BCR: variants seen among roughly 807,000 people sequenced by gnomAD.
BCR encodes BCR activator of RhoGEF and GTPase, also known as breakpoint cluster region protein.
BCR carries 58 observed loss-of-function variants against 138.6 expected under a neutral mutation model. That is an observed-to-expected ratio of 0.42 (90% CI 0.34 to 0.52). The LOEUF is 0.52. BCR is among the 20% of genes least tolerant of loss of function. The probability of loss-of-function intolerance (pLI) is 0.06; values close to 1 mark genes in which losing one functional copy is unlikely to be tolerated. For synonymous variants in BCR, 786 were observed against 730.1 expected (o/e 1.08, Z -1.23); for missense variants, 1,599 against 1,727.2 (o/e 0.93, Z 1.32).
In BCR at chr22:23,284,003, C is replaced by T. The variant is rs1158524869; in HGVS notation, c.2142C>T (p.Phe714=). The change falls in exon 9 of 23, where the codon TTC becomes TTT. Residue 714 remains phenylalanine (F), a synonymous_variant. Transcript: ENST00000305877. The stretch of plus-strand genomic sequence containing the variant: ...ACCGGCAGCTGCTGAAGGACAGCTT[C>T]ATGGTGGAGCTGGTGGAGGGGGCCC... ...GEHRQLLKDS[F]MVELVEGARK... The T allele has an allele frequency of 2.5e-6, 4 of 1,601,462 alleles. No homozygotes were observed. The highest frequency in any genetic ancestry group is 1.7e-5 in the Admixed American group (1 of 58,554).
chr22:23,246,903 A>G (rs779797467), intron 1 of BCR, among the ~76,000 whole-genome samples: 5 of 151,936 alleles, frequency 3.3e-5, no homozygotes, highest in Admixed American at 6.6e-5. Context: ...CCCAAGATCC[A>G]CAGCCCTTCT....
rs960967176 is a variant in BCR at position 23,233,807 on chromosome 22, A to T, written c.1280-19992A>T. ...CCTGTCTCAAAAAAAAAAAAAAGAA[A>T]AAAAAGAAAAAAAAAAAGAAGAACA... On this transcript the variant is annotated intron_variant, in intron 1 of 22. Coordinates refer to ENST00000305877, the MANE Select transcript of BCR (RefSeq NM_004327.4). Among the ~76,000 whole-genome samples, 22 of 97,794 alleles carry T rather than the reference A, an allele frequency of 2.2e-4. 1 individual carries two copies. The highest frequency in any genetic ancestry group is 7.1e-4 in the Admixed American group (7 of 9,920). The allele number at this position is 97,794 out of a possible 152,430, so 64.2% of individuals were successfully genotyped here.
At chr22:23,187,669 A>G (rs922979598) in intron 1 of BCR, among the ~76,000 whole-genome samples, 5 of 152,022 alleles carry the variant, frequency 3.3e-5, no homozygotes, top group Non-Finnish European at 7.4e-5. Context: ...TTGAGACATA[A>G]TAATTGTACC....
intron 8 of BCR, among the ~76,000 whole-genome samples, chr22:23,275,050 T>C (rs1184124442): frequency 6.6e-6 from 1 of 152,096 alleles, no homozygotes; most frequent in Non-Finnish European, 1.5e-5. Flanking sequence ...TGGGGCTTGC[T>C]TTCCTCCTCC....
chr22:23,273,905 G>A, intron 8 of BCR, 131 bp downstream of exon 8: 1 of 1,304,122 alleles, frequency 7.7e-7, no homozygotes, highest in Non-Finnish European at 1.1e-6. Flanking sequence ...GGTGAGATTG[G>A]CCGCACACTC....
intron 1 of BCR, among the ~76,000 whole-genome samples, chr22:23,217,220 T>C (rs902196394): frequency 1.3e-5 from 2 of 152,220 alleles, no homozygotes; most frequent in African/African-American, 2.4e-5. Context: ...TGCCATGTTA[T>C]ATAGTAGGTT....
intron 16 of BCR, among the ~76,000 whole-genome samples, chr22:23,305,243 C>T (rs971443692): frequency 6.3e-5 from 6 of 94,772 alleles, no homozygotes; most frequent in Admixed American, 3.1e-4. Flanking sequence ...CAAAGACCCA[C>T]CCCCGGGAGT....
At position 23,182,247 on chromosome 22, in the gene BCR, C is replaced by T; in HGVS notation, c.1279+8C>T. 6.5e-7 allele frequency: 1 copy of T among 1,549,702 alleles called. No individual in the cohort carries two copies. Among genetic ancestry groups the T allele is most frequent in the Non-Finnish European group, 8.7e-7 (1 of 1,150,068 alleles). ...CCTTCCATGGAGACGCAGGTGAGTT[C>T]CTCACGCCACGTGCGTGGGCACACC... is the stretch of plus-strand genomic sequence containing the variant. On this transcript the variant is annotated splice_region_variant and intron_variant, in intron 1 of 22. Transcript: ENST00000305877.
rs1361386428 is a variant in BCR at position 23,314,548 on chromosome 22, A to G, written c.3564-4A>G. ...ACAGCACCCGCTGCTTTGGTCCTCTACAGGGTGGCAGAGAAGGAGGCAGTC... is the reference window on the plus strand; with the variant it reads ...ACAGCACCCGCTGCTTTGGTCCTCTGCAGGGTGGCAGAGAAGGAGGCAGTC... On this transcript the variant is annotated splice_polypyrimidine_tract_variant and splice_region_variant and intron_variant, in intron 21 of 22. Transcript: ENST00000305877. 2 of 1,611,794 alleles carry G rather than the reference A, an allele frequency of 1.2e-6. No individual in the cohort carries two copies. The highest frequency in any genetic ancestry group is 1.1e-5 in the South Asian group (1 of 90,970).
At chr22:23,216,385 A>T (rs1240009739) in intron 1 of BCR, among the ~76,000 whole-genome samples, 2 of 152,182 alleles carry the variant, frequency 1.3e-5, no homozygotes, top group Non-Finnish European at 2.9e-5. Context: ...TGGTAGTATT[A>T]TGTGAAATTA....
At chr22:23,302,041 G>A (rs1297994830) in intron 16 of BCR, among the ~76,000 whole-genome samples, 1 of 152,114 alleles carries the variant, frequency 6.6e-6, no homozygotes, top group Non-Finnish European at 1.5e-5. Context: ...TTGTGGCTCT[G>A]AACAAAGCAG....
In BCR at chr22:23,181,014, A is replaced by G. The variant is rs747241983; in HGVS notation, c.54A>G (p.Ser18=). 1 of 1,488,200 alleles carries G rather than the reference A, an allele frequency of 6.7e-7. No homozygotes were observed. The allele number at this position is 1,488,200 out of a possible 1,614,324, so 92.2% of individuals were successfully genotyped here. A position where few individuals can be genotyped will look rare whatever the true frequency, so the allele number is the denominator to read the frequency against. Reference sequence around the variant, plus strand: ...CGTGGAAGGCGCAGTTCCCGGACTCAGAGCCCCCGCGCATGGAGCTGCGCT... The same window carrying G: ...CGTGGAAGGCGCAGTTCCCGGACTCGGAGCCCCCGCGCATGGAGCTGCGCT... ...AEAWKAQFPD[S]EPPRMELRSV... The change falls in exon 1 of 23, where the codon TCA becomes TCG. Residue 18 remains serine (S), a synonymous_variant. Coordinates refer to ENST00000305877, the MANE Select transcript of BCR (RefSeq NM_004327.4).
At chr22:23,234,093 C>CAAA (rs1281503057) in intron 1 of BCR, among the ~76,000 whole-genome samples, 2 of 152,116 alleles carry the variant, frequency 1.3e-5, no homozygotes, top group African/African-American at 4.8e-5. Context: ...TTTCTTCTGG[C>CAAA]ATTTTTACAG....
Position 23,277,580 on chromosome 22 carries a change from A to G in BCR, c.2115+3806A>G, listed in dbSNP as rs374488513. 1.1e-4 allele frequency among the ~76,000 whole-genome samples: 16 copies of G among 152,202 alleles called. 1 individual carries two copies. The East Asian group carries it at 1.9e-3, about 18-fold the overall frequency. ...CTGTTTCTGTCTTCCCTGGCATTTGATGTCAAGAGGAAAGCTGCTTCTGTT... is the reference window on the plus strand; with the variant it reads ...CTGTTTCTGTCTTCCCTGGCATTTGGTGTCAAGAGGAAAGCTGCTTCTGTT... On this transcript the variant is annotated intron_variant, in intron 8 of 22. Coordinates refer to ENST00000305877, the MANE Select transcript of BCR (RefSeq NM_004327.4).
Position 23,309,331 on chromosome 22 carries a change from A to G in BCR, c.3013-93A>G, listed in dbSNP as rs573300568. On this transcript the variant is annotated intron_variant, in intron 16 of 22. Coordinates refer to ENST00000305877, the MANE Select transcript of BCR (RefSeq NM_004327.4). Reference sequence around the variant, plus strand: ...CCGCAGTCGGGCTCTGCCTCTGACTAAGGGTTGGGGAAGTGGCGGGTGTGG... The same window carrying G: ...CCGCAGTCGGGCTCTGCCTCTGACTGAGGGTTGGGGAAGTGGCGGGTGTGG... The G allele has an allele frequency of 9.1e-5, 96 of 1,050,780 alleles. No homozygotes were observed. The African/African-American group carries it at 1.4e-3, about 16-fold the overall frequency. 65.1% of individuals were successfully genotyped at this position (1,050,780 alleles called of 1,614,324 possible). A position where few individuals can be genotyped will look rare whatever the true frequency, so the allele number is the denominator to read the frequency against.
At chr22:23,183,148 A>G (rs1191945559) in intron 1 of BCR, among the ~76,000 whole-genome samples, 2 of 152,200 alleles carry the variant, frequency 1.3e-5, no homozygotes, top group African/African-American at 2.4e-5. Flanking sequence ...CTTCTGTGCT[A>G]GATGCAAATA....
chr22:23,193,198 A>G (rs767893444), intron 1 of BCR, among the ~76,000 whole-genome samples: 1 of 152,224 alleles, frequency 6.6e-6, no homozygotes, highest in Non-Finnish European at 1.5e-5. Context: ...TCTGCACATG[A>G]CGAGGTATTG....
chr22:23,313,612 T>G (rs1290553193), intron 20 of BCR, among the ~76,000 whole-genome samples: 6 of 152,162 alleles, frequency 3.9e-5, no homozygotes, highest in African/African-American at 9.7e-5. Context: ...TGTTCCTCAC[T>G]CCCCTGTTTC....
In BCR at chr22:23,181,158, A is replaced by G; in HGVS notation, c.198A>G (p.Glu66=). The stretch of plus-strand genomic sequence containing the variant: ...ACCTGCAGACGTTGCTGGCCAAGGA[A>G]AAGAAGAGCTATGACCGGCAGCGAT... ...MIYLQTLLAK[E]KKSYDRQRWG... is the part of the protein sequence containing the mutation. The change falls in exon 1 of 23, where the codon GAA becomes GAG. Residue 66 remains glutamate (E), a synonymous_variant. Coordinates refer to ENST00000305877, the MANE Select transcript of BCR (RefSeq NM_004327.4). The G allele has an allele frequency of 4.8e-6, 7 of 1,446,942 alleles. No homozygotes were observed. The highest frequency in any genetic ancestry group is 6.5e-6 in the Non-Finnish European group (7 of 1,085,178). 89.6% of individuals were successfully genotyped at this position (1,446,942 alleles called of 1,614,324 possible).
Sources: allele counts gnomAD v4.1 joint callset (sites outside exome capture counted in the v4.1 genomes callset), GRCh38; gene constraint gnomAD v4.1.1; transcripts MANE v1.5; gene names NCBI Gene and HGNC (gene_info 2026-07-23, HGNC 2026-07-21).